The following KIRREL3 variants were observed in gnomAD, a reference collection of about 807,000 sequenced individuals.
KIRREL3 encodes the protein kin of IRRE-like protein 3.
In KIRREL3, 36 loss-of-function variants were observed where a neutral mutation model predicts 89.7. That is an observed-to-expected ratio of 0.40 (90% CI 0.31 to 0.53). The LOEUF is 0.53. Among genes scored for constraint, KIRREL3 ranks in the 20% least tolerant of loss-of-function variants. The probability of loss-of-function intolerance (pLI) is 0.49; values close to 1 mark genes in which losing one functional copy is unlikely to be tolerated. For synonymous variants in KIRREL3, 445 were observed against 441.4 expected, an observed-to-expected ratio of 1.01 and a Z score of -0.10; for missense variants, 864 against 1,056.6, an observed-to-expected ratio of 0.82 and a Z score of 2.53.
intron 1 of KIRREL3, among the ~76,000 whole-genome samples, chr11:126,998,097 G>A (rs902392646): frequency 5.3e-5 from 8 of 152,126 alleles, no homozygotes; most frequent in Non-Finnish European, 8.8e-5. Context: ...ACATGGATGC[G>A]TTCTATCCAA....
At chr11:126,936,662 C>T (rs1324288612) in intron 1 of KIRREL3, 1 of 151,686 alleles carries the variant, frequency 6.6e-6, no homozygotes. Flanking sequence ...TACAAAAGAC[C>T]ACAAATTGTA....
At chr11:126,858,748 G>T (rs1944617351) in intron 1 of KIRREL3, among the ~76,000 whole-genome samples, 1 of 152,240 alleles carries the variant, frequency 6.6e-6, no homozygotes, top group South Asian at 2.1e-4. Flanking sequence ...AGAGACAGCT[G>T]ATAGGCAGTG....
chr11:126,840,937 G>A (rs2134522363), intron 1 of KIRREL3, among the ~76,000 whole-genome samples: 1 of 152,228 alleles, frequency 6.6e-6, no homozygotes, highest in East Asian at 1.9e-4. Flanking sequence ...TCTCAAATGA[G>A]GAAGGAAAAA....
Position 126,530,437 on chromosome 11 carries a change from C to G in KIRREL3, c.134-3750G>C, listed in dbSNP as rs1284350536. Among the ~76,000 whole-genome samples, 1 of 152,164 alleles carries G rather than the reference C, an allele frequency of 6.6e-6. No individual in the cohort carries two copies. Among genetic ancestry groups the G allele is most frequent in the African/African-American group, 2.4e-5 (1 of 41,426 alleles). ...TTTTCTACTCCAAAGAAGTGAAATGCAAGTGAGCCCAAGGTCATTTTCTGC... is the reference window on the plus strand; with the variant it reads ...TTTTCTACTCCAAAGAAGTGAAATGGAAGTGAGCCCAAGGTCATTTTCTGC... On this transcript the variant is annotated intron_variant, in intron 2 of 16. Coordinates refer to ENST00000525144, the MANE Select transcript of KIRREL3 (RefSeq NM_032531.4). The surrounding 1 kb of genome is among the most constrained non-coding windows in gnomAD (Gnocchi z 5.8).
intron 2 of KIRREL3, among the ~76,000 whole-genome samples, chr11:126,536,103 C>A (rs1370844735): frequency 1.3e-5 from 2 of 152,172 alleles, no homozygotes; most frequent in East Asian, 1.9e-4. Context: ...CAGAGTGAGA[C>A]TCCATCTCAA....
intron 1 of KIRREL3, among the ~76,000 whole-genome samples, chr11:126,662,155 G>A (rs544750154): frequency 3.9e-5 from 6 of 152,302 alleles, no homozygotes; most frequent in South Asian, 4.1e-4. Context: ...GGGCACACTG[G>A]TGTTTCTATC....
rs974030365 is a variant in KIRREL3, at chr11:126,811,213, C to T, written c.55+189242G>A. 7.9e-5 allele frequency among the ~76,000 whole-genome samples: 12 copies of T among 152,238 alleles called. No individual in the cohort carries two copies. The highest frequency in any genetic ancestry group is 3.3e-4 in the Admixed American group (5 of 15,292). On this transcript the variant is annotated intron_variant, in intron 1 of 16. Coordinates refer to ENST00000525144, the MANE Select transcript of KIRREL3 (RefSeq NM_032531.4). This position sits in a 1 kb window ranked among gnomAD's most constrained non-coding sequence, Gnocchi z 4.3. ...GACAGTTCACAATTCTGTCTTTCCT[C>T]CTGCTGAGAATTCTTCTGTTTTCCA... is the stretch of plus-strand genomic sequence containing the variant.
rs377753053 is a variant in KIRREL3, at chr11:126,845,455, GA to G, written c.55+154999del. On this transcript the variant is annotated intron_variant, in intron 1 of 16. Coordinates refer to ENST00000525144, the MANE Select transcript of KIRREL3 (RefSeq NM_032531.4). ...CGTGAGGCTAATCTTAAGCTGCAGG[GA>G]ATCTGGTATGCTCTGTGTGTCTTTT... Among the ~76,000 whole-genome samples the G allele has an allele frequency of 1.2e-4, 19 of 152,252 alleles. No homozygotes were observed. In the East Asian group the frequency reaches 3.3e-3, roughly 26 times the overall value.
intron 6 of KIRREL3, among the ~76,000 whole-genome samples, chr11:126,460,322 C>T (rs989777662): frequency 2.6e-5 from 4 of 152,176 alleles, no homozygotes; most frequent in Admixed American, 6.5e-5. Flanking sequence ...GCACTCACAA[C>T]GTGTCAGACA....
chr11:126,647,144 A>G lies in KIRREL3; in HGVS notation c.56-84232T>C, dbSNP rs1944721675. ...TTAGGCACTTTTCTAGGCAAGTCTG[A>G]TGGGGACCTCAGCATGGACAGCATT... On this transcript the variant is annotated intron_variant, in intron 1 of 16. Coordinates refer to ENST00000525144, the MANE Select transcript of KIRREL3 (RefSeq NM_032531.4). This position sits in a 1 kb window ranked among gnomAD's most constrained non-coding sequence, Gnocchi z 4.9. Among the ~76,000 whole-genome samples, 1 of 152,200 alleles carries G rather than the reference A, an allele frequency of 6.6e-6. No homozygotes were observed. The highest frequency in any genetic ancestry group is 2.4e-5 in the African/African-American group (1 of 41,450).
intron 1 of KIRREL3, among the ~76,000 whole-genome samples, chr11:126,916,715 G>A (rs1450467785): frequency 6.6e-6 from 1 of 152,186 alleles, no homozygotes; most frequent in Non-Finnish European, 1.5e-5. Context: ...TAGAATGAAG[G>A]TTAGCTGGAG....
upstream of KIRREL3, among the ~76,000 whole-genome samples, chr11:127,001,325 G>T (rs988656025): frequency 9.1e-5 from 12 of 131,478 alleles, no homozygotes; most frequent in Non-Finnish European, 1.5e-4. Flanking sequence ...GGGGGGGGGG[G>T]GTAGGTAATA....
rs1949939081 is a variant in KIRREL3 at position 126,769,090 on chromosome 11, G to A, written c.56-206178C>T. On this transcript the variant is annotated intron_variant, in intron 1 of 16. Transcript: ENST00000525144. The surrounding 1 kb of genome is among the most constrained non-coding windows in gnomAD (Gnocchi z 4.3). ...ATCTTGTTTACCTGTCAGACTCCTC[G>A]GGGCCTTTGAGCTCTAAGTCAGGTA... Among the ~76,000 whole-genome samples, 1 of 152,102 alleles carries A rather than the reference G, an allele frequency of 6.6e-6. No individual in the cohort carries two copies. The highest frequency in any genetic ancestry group is 1.5e-5 in the Non-Finnish European group (1 of 68,016).
chr11:126,507,613 G>A (rs1314756568), intron 4 of KIRREL3, among the ~76,000 whole-genome samples: 2 of 152,198 alleles, frequency 1.3e-5, no homozygotes, highest in African/African-American at 4.8e-5. Context: ...TATATTCTCA[G>A]GGTCTAGAAC....
intron 4 of KIRREL3, among the ~76,000 whole-genome samples, chr11:126,517,740 C>T (rs757620491): frequency 1.3e-5 from 2 of 152,230 alleles, no homozygotes; most frequent in Non-Finnish European, 2.9e-5. Context: ...CAGTGGAAGT[C>T]ATGGCCTTTT....
rs189175388 is a variant in KIRREL3, at chr11:126,739,908, C to T, written c.56-176996G>A. The stretch of plus-strand genomic sequence containing the variant: ...TGACACTGCACTTTGATCAGTTTGA[C>T]GGGTTTAGTATTATAGAAATATTTC... On this transcript the variant is annotated intron_variant, in intron 1 of 16. Coordinates refer to ENST00000525144, the MANE Select transcript of KIRREL3 (RefSeq NM_032531.4). The surrounding 1 kb of genome is among the most constrained non-coding windows in gnomAD (Gnocchi z 5.5). Among the ~76,000 whole-genome samples, 28 of 152,114 alleles carry T rather than the reference C, an allele frequency of 1.8e-4. No individual in the cohort carries two copies. The highest frequency in any genetic ancestry group is 5.8e-4 in the African/African-American group (24 of 41,468).
chr11:126,962,319 T>C (rs1949115885), intron 1 of KIRREL3, among the ~76,000 whole-genome samples: 1 of 152,174 alleles, frequency 6.6e-6, no homozygotes, highest in South Asian at 2.1e-4. Flanking sequence ...GAGGTCAAGA[T>C]AGCAATATTA....
intron 1 of KIRREL3, among the ~76,000 whole-genome samples, chr11:126,725,306 A>G (rs752071447): frequency 6.6e-6 from 1 of 151,764 alleles, no homozygotes; most frequent in East Asian, 2.0e-4. Context: ...CAAAGATATG[A>G]TATCTCTGGC....
rs1950635257 is a variant in KIRREL3, at chr11:126,791,365, G to C, written c.55+209090C>G. Among the ~76,000 whole-genome samples, 1 of 152,224 alleles carries C rather than the reference G, an allele frequency of 6.6e-6. No individual in the cohort carries two copies. Among genetic ancestry groups the C allele is most frequent in the Non-Finnish European group, 1.5e-5 (1 of 68,044 alleles). On this transcript the variant is annotated intron_variant, in intron 1 of 16. Transcript: ENST00000525144. The surrounding 1 kb of genome is among the most constrained non-coding windows in gnomAD (Gnocchi z 4.8). ...TCATCGTCCCTGGCCTGGGCTGCAT[G>C]CAGCCAGCTACCCGCTTCCCAGGCT...
Sources: gnomAD v4.1 joint callset for allele counts (sites outside exome capture counted in the v4.1 genomes callset) on GRCh38, gnomAD v4.1.1 for gene constraint, Gnocchi (gnomAD v3.1) non-coding constraint, MANE v1.5 for transcripts, NCBI Gene and HGNC (gene_info 2026-07-23, HGNC 2026-07-21) for gene names.